SRMS: variants seen among roughly 807,000 people sequenced by gnomAD.
SRMS encodes the protein tyrosine-protein kinase Srms.
Under a neutral mutation model 43.5 loss-of-function variants are expected in SRMS, and 42 were observed. The observed-to-expected ratio is 0.97, with a 90% confidence interval of 0.75 to 1.25. The LOEUF (loss-of-function observed/expected upper bound fraction) is 1.25. SRMS is among the 50% of genes most tolerant of loss of function. The probability of loss-of-function intolerance (pLI) is 0.00; values close to 1 mark genes in which losing one functional copy is unlikely to be tolerated. For missense variants in SRMS, 703 were observed against 681.0 expected, an observed-to-expected ratio of 1.03 and a Z score of -0.36; for synonymous variants, 316 against 308.2, an observed-to-expected ratio of 1.03 and a Z score of -0.27.
At position 63,541,221 on chromosome 20, in the gene SRMS, C is replaced by A; in HGVS notation, c.1255G>T (p.Val419Phe). Reference sequence around the variant, plus strand: ...TAGGGACACTGGCCATAGGTGAAAACCTCGTGCAGCAGGACGCCGAAGGAC... The same window carrying A: ...TAGGGACACTGGCCATAGGTGAAAAACTCGTGCAGCAGGACGCCGAAGGAC... ...VWSFGVLLHE[V>F]FTYGQCPYEG... The change falls in exon 7 of 8, where the codon GTT becomes TTT. Residue 419 changes from valine (V) to phenylalanine (F), a missense_variant. Transcript: ENST00000217188. The A allele has an allele frequency of 1.3e-6, 2 of 1,564,682 alleles. No homozygotes were observed. The highest frequency in any genetic ancestry group is 1.7e-6 in the Non-Finnish European group (2 of 1,161,248).
At chr20:63,546,654 C>CCCCCAGT (rs1332575100) in intron 1 of SRMS, among the ~76,000 whole-genome samples, 2 of 146,122 alleles carry the variant, frequency 1.4e-5, no homozygotes, top group Non-Finnish European at 3.0e-5. Flanking sequence ...CAGCCCCCAG[C>CCCCCAGT]CCCCAGCCCC....
At chr20:63,545,288 G>A (rs1424047474) in intron 1 of SRMS, among the ~76,000 whole-genome samples, 2 of 152,186 alleles carry the variant, frequency 1.3e-5, no homozygotes, top group African/African-American at 2.4e-5. Flanking sequence ...GAAGTCCAAG[G>A]CGGGGACTCC....
Position 63,539,276 on chromosome 20 carries a change from C to T in SRMS, c.*1542G>A, listed in dbSNP as rs576763586. ...TGGCCTTGTTCCTCCGATGCACGGG[C>T]CCCAGGAAGCCCCCGCGCTGCCTCC... On this transcript the variant is annotated 3_prime_UTR_variant, in exon 8 of 8. Coordinates refer to ENST00000217188, the MANE Select transcript of SRMS (RefSeq NM_080823.4). 1.2e-4 allele frequency among the ~76,000 whole-genome samples: 18 copies of T among 152,204 alleles called. No homozygotes were observed. The highest frequency in any genetic ancestry group is 2.1e-4 in the Non-Finnish European group (14 of 68,008).
chr20:63,544,136 A>G, intron 2 of SRMS, 91 bp downstream of exon 2: 1 of 1,326,050 alleles, frequency 7.5e-7, no homozygotes, highest in Non-Finnish European at 9.7e-7. Context: ...GGTGTGAATC[A>G]GGAGCCAGCA....
At chr20:63,543,672 C>T in intron 2 of SRMS, 192 bp from the exon 3 acceptor site, 1 of 636,548 alleles carries the variant, frequency 1.6e-6, no homozygotes, top group Non-Finnish European at 2.6e-6. Context: ...CGAGAGCGGC[C>T]CAGGTTGGAG....
Position 63,547,424 on chromosome 20 carries a change from A to C in SRMS, c.40T>G (p.Phe14Val), listed in dbSNP as rs2082739629. ...FLRRRLAFLS[F>V]FWDKIWPAGG... ...GCCGGCCAGATCTTGTCCCAGAAGA[A>C]GGACAGGAAGGCCAGCCGCCTCCTG... The change falls in exon 1 of 8, where the codon TTC (phenylalanine) becomes GTC (valine). Residue 14 changes from phenylalanine (F) to valine (V), a missense_variant. By Grantham distance (50) the Phe-to-Val change is conservative. Transcript: ENST00000217188. 6.5e-7 allele frequency: 1 copy of C among 1,543,218 alleles called. No homozygotes were observed. Among genetic ancestry groups the C allele is most frequent in the Admixed American group, 2.0e-5 (1 of 48,900 alleles).
intron 5 of SRMS, 125 bp downstream of exon 5, chr20:63,542,038 G>T: frequency 7.3e-7 from 1 of 1,369,214 alleles, no homozygotes; most frequent in Non-Finnish European, 9.8e-7. Flanking sequence ...CTGCAGCCGG[G>T]GCCACCTGCT....
At position 63,543,499 on chromosome 20, in the gene SRMS, T is replaced by C; in HGVS notation, c.479-19A>G. ...GCCCGGACTAGGAAGGGTTCAGAGA[T>C]GGAGACCCCTGCCTTGGCTGCCAGC... is the stretch of plus-strand genomic sequence containing the variant. On this transcript the variant is annotated intron_variant, in intron 2 of 7. Transcript: ENST00000217188. 2 of 1,609,464 alleles carry C rather than the reference T, an allele frequency of 1.2e-6. No individual in the cohort carries two copies. The highest frequency in any genetic ancestry group is 1.1e-5 in the South Asian group (1 of 90,938).
chr20:63,541,442 G>C lies in SRMS; in HGVS notation c.1125C>G (p.Leu375=). Residue 375 remains leucine (L), a synonymous_variant, in exon 6 of 8, where the codon CTC becomes CTG. Coordinates refer to ENST00000217188, the MANE Select transcript of SRMS (RefSeq NM_080823.4). ...GGGGCCCAGAGCCTCCGCTGACCTT[G>C]AGCAGCCGGGCCAGGCCGAAGTCAG... The part of the protein sequence containing the change: ...KVADFGLARL[L]KDDIYSPSSS... 2 of 1,601,132 alleles carry C rather than the reference G, an allele frequency of 1.2e-6. No individual in the cohort carries two copies. The highest frequency in any genetic ancestry group is 1.7e-6 in the Non-Finnish European group (2 of 1,176,974).
At position 63,547,702 on chromosome 20, in the gene SRMS, C is replaced by T. The variant is rs1168111841; in HGVS notation, c.-239G>A. On this transcript the variant is annotated 5_prime_UTR_variant, in exon 1 of 8. Coordinates refer to ENST00000217188, the MANE Select transcript of SRMS (RefSeq NM_080823.4). ...CGCAGGGCGGACCCCCTGCCTCAGG[C>T]ACACCGACAGCACCTCCTGTCCTCG... 6.6e-6 allele frequency among the ~76,000 whole-genome samples: 1 copy of T among 152,212 alleles called. No individual in the cohort carries two copies. The highest frequency in any genetic ancestry group is 1.5e-5 in the Non-Finnish European group (1 of 68,044).
rs1268581484 is a variant in SRMS at position 63,547,490 on chromosome 20, A to G, written c.-27T>C. The stretch of plus-strand genomic sequence containing the variant: ...CCCCGGGGTCACCACGCTGGGCCCG[A>G]GGGCCATGGGAGCCCGCGAGCCCGG... On this transcript the variant is annotated 5_prime_UTR_variant, in exon 1 of 8. Coordinates refer to ENST00000217188, the MANE Select transcript of SRMS (RefSeq NM_080823.4). 5.5e-6 allele frequency: 8 copies of G among 1,453,958 alleles called. No individual in the cohort carries two copies. In the East Asian group the frequency reaches 2.1e-4, roughly 38 times the overall value. 90.1% of individuals were successfully genotyped at this position (1,453,958 alleles called of 1,614,324 possible). A position where few individuals can be genotyped will look rare whatever the true frequency, so the allele number is the denominator to read the frequency against.
At chr20:63,546,865 C>T (rs533377333) in intron 1 of SRMS, among the ~76,000 whole-genome samples, 1 of 152,238 alleles carries the variant, frequency 6.6e-6, no homozygotes, top group Admixed American at 6.5e-5. Context: ...CTCCCCCCCA[C>T]AGGACCTGAC....
chr20:63,541,353 G>T lies in SRMS; in HGVS notation c.1129-6C>A. ...CTCGGGGAGTAGATGTCGTCCTGGGGGCGAGGGAAGGCCCCTGGTAGGGCA... is the reference window on the plus strand; with the variant it reads ...CTCGGGGAGTAGATGTCGTCCTGGGTGCGAGGGAAGGCCCCTGGTAGGGCA... On this transcript the variant is annotated splice_polypyrimidine_tract_variant and splice_region_variant and intron_variant, in intron 6 of 7. Coordinates refer to ENST00000217188, the MANE Select transcript of SRMS (RefSeq NM_080823.4). The T allele has an allele frequency of 6.5e-7, 1 of 1,541,476 alleles. No individual in the cohort carries two copies. The highest frequency in any genetic ancestry group is 8.7e-7 in the Non-Finnish European group (1 of 1,146,038).
rs778352744 is a variant in SRMS at position 63,540,909 on chromosome 20, A to T, written c.1376T>A (p.Met459Lys). The part of the protein sequence containing the change: ...AACPAEVYVL[M>K]LECWRSSPEE... The stretch of plus-strand genomic sequence containing the variant: ...GGGGCTGCTCCTCCAGCACTCCAGC[A>T]TGAGCACGTAGACCTCCGCCGGGCA... The change falls in exon 8 of 8, where the codon ATG becomes AAG. Residue 459 changes from methionine to lysine, a missense_variant. By Grantham distance (95) the Met-to-Lys change is moderately conservative. Coordinates refer to ENST00000217188, the MANE Select transcript of SRMS (RefSeq NM_080823.4). 2.7e-5 allele frequency: 44 copies of T among 1,606,308 alleles called. No homozygotes were observed. The highest frequency in any genetic ancestry group is 3.6e-5 in the Non-Finnish European group (43 of 1,179,546).
Position 63,538,649 on chromosome 20 carries a change from C to T in SRMS, c.*2169G>A, listed in dbSNP as rs1043864350. Among the ~76,000 whole-genome samples the T allele has an allele frequency of 8.1e-5, 12 of 148,552 alleles. No individual in the cohort carries two copies. Among genetic ancestry groups the T allele is most frequent in the African/African-American group, 2.0e-4 (8 of 40,092 alleles). ...AAGGTGGGGAGGGGCAGCGGGGTGC[C>T]GGCCTGGGCAGTGTCCCTCAGGCCC... On this transcript the variant is annotated 3_prime_UTR_variant, in exon 8 of 8. Coordinates refer to ENST00000217188, the MANE Select transcript of SRMS (RefSeq NM_080823.4).
In SRMS at chr20:63,541,155, A is replaced by T. The variant is rs372825721; in HGVS notation, c.1285+36T>A. 1.2e-5 allele frequency: 19 copies of T among 1,547,524 alleles called. No homozygotes were observed. The African/African-American group carries it at 2.5e-4, about 20-fold the overall frequency. On this transcript the variant is annotated intron_variant, in intron 7 of 7. Transcript: ENST00000217188. ...CCCGGGGCCAGTGACTCCTGGGCAG[A>T]GCCTGCATCCTCCCTCTGGCTGCCT...
At position 63,541,341 on chromosome 20, in the gene SRMS, T is replaced by C. The variant is rs770554673; in HGVS notation, c.1135A>G (p.Ile379Val). 15 of 1,542,764 alleles carry C rather than the reference T, an allele frequency of 9.7e-6. No homozygotes were observed. Among genetic ancestry groups the C allele is most frequent in the Non-Finnish European group, 1.2e-5 (14 of 1,146,536 alleles). The change falls in exon 7 of 8, where the codon ATC becomes GTC. Residue 379 changes from isoleucine to valine, a missense_variant. Physicochemically the swap from Ile to Val is conservative, Grantham distance 29 (BLOSUM62 3). Coordinates refer to ENST00000217188, the MANE Select transcript of SRMS (RefSeq NM_080823.4). ...FGLARLLKDD[I>V]YSPSSSSKIP... is the part of the protein sequence containing the mutation. ...TTGGAGCTGCTGCTCGGGGAGTAGA[T>C]GTCGTCCTGGGGGCGAGGGAAGGCC... is the stretch of plus-strand genomic sequence containing the variant.
rs1409713336 is a variant in SRMS at position 63,539,285 on chromosome 20, G to A, written c.*1533C>T. 6.6e-6 allele frequency among the ~76,000 whole-genome samples: 1 copy of A among 152,214 alleles called. No individual in the cohort carries two copies. The highest frequency in any genetic ancestry group is 1.5e-5 in the Non-Finnish European group (1 of 68,026). ...TCCTCCGATGCACGGGCCCCAGGAA[G>A]CCCCCGCGCTGCCTCCGTTCTCGGA... On this transcript the variant is annotated 3_prime_UTR_variant, in exon 8 of 8. Coordinates refer to ENST00000217188, the MANE Select transcript of SRMS (RefSeq NM_080823.4).
chr20:63,543,275 C>T (rs370242629), intron 3 of SRMS, 39 bp downstream of exon 3: 6 of 1,603,784 alleles, frequency 3.7e-6, no homozygotes, highest in African/African-American at 1.3e-5. Context: ...GGCCATGCCT[C>T]GGGCCCAGCA....
Sources: allele counts gnomAD v4.1 joint callset (sites outside exome capture counted in the v4.1 genomes callset), GRCh38; gene constraint gnomAD v4.1.1; transcripts MANE v1.5; gene names NCBI Gene and HGNC (gene_info 2026-07-23, HGNC 2026-07-21).